The following TENM3 variants were observed in gnomAD, a reference collection of about 807,000 sequenced individuals.
TENM3 encodes the protein teneurin-3.
TENM3 carries 63 observed loss-of-function variants against 255.1 expected under a neutral mutation model. That is an observed-to-expected ratio of 0.25 (90% CI 0.20 to 0.30). The LOEUF (loss-of-function observed/expected upper bound fraction) is 0.30. Ranked by LOEUF, TENM3 falls within the 10% of genes least tolerant of loss-of-function variation. TENM3 has a pLI of 1.00. For missense variants in TENM3, 2,929 were observed against 3,461.1 expected, an observed-to-expected ratio of 0.85 and a Z score of 3.86; for synonymous variants, 1,306 against 1,322.3, an observed-to-expected ratio of 0.99 and a Z score of 0.27.
the TENM3 span, among the ~76,000 whole-genome samples, chr4:181,783,142 T>C: frequency 6.6e-6 from 1 of 152,206 alleles, no homozygotes; most frequent in Non-Finnish European, 1.5e-5. Flanking sequence ...TAGGTCTGCT[T>C]GGTGCAGAGC....
At position 182,720,041 on chromosome 4, in the gene TENM3, G is replaced by A. The variant is rs113280104; in HGVS notation, c.2368+5808G>A. ...CGCGCCACTGCACTCCAGGCTGGAT[G>A]AAAGAGTGAGACCCTGTCTCTCACA... is the stretch of plus-strand genomic sequence containing the variant. On this transcript the variant is annotated intron_variant, in intron 13 of 27. Coordinates refer to ENST00000511685, the MANE Select transcript of TENM3 (RefSeq NM_001080477.4). Among the ~76,000 whole-genome samples the A allele has an allele frequency of 2.3e-3, 354 of 152,056 alleles. 6 individuals are homozygous for A. The highest frequency in any genetic ancestry group is 0.021 in the South Asian group (102 of 4,766).
At chr4:181,602,928 C>G in the TENM3 span, among the ~76,000 whole-genome samples, 139 of 152,236 alleles carry the variant, frequency 9.1e-4, no homozygotes, top group African/African-American at 3.3e-3. Flanking sequence ...GAAGAAGAAT[C>G]AGAAATGCAC....
chr4:182,136,475 T>C, the TENM3 span, among the ~76,000 whole-genome samples: 1 of 152,238 alleles, frequency 6.6e-6, no homozygotes, highest in Non-Finnish European at 1.5e-5. Context: ...TCAGTTTACA[T>C]AGTGAGTTCT....
the TENM3 span, among the ~76,000 whole-genome samples, chr4:181,480,991 C>T: frequency 2.0e-5 from 3 of 151,330 alleles, no homozygotes; most frequent in African/African-American, 7.3e-5. Context: ...TCTCATACAG[C>T]GATTGACATT....
At chr4:182,238,663 A>C (rs902837758), upstream of TENM3, among the ~76,000 whole-genome samples, 5 of 151,390 alleles carry the variant, frequency 3.3e-5, no homozygotes, top group African/African-American at 1.2e-4. Context: ...AAGTGAAGGA[A>C]TGTTTCCCTG....
At chr4:182,357,169 A>G (rs369671424) in intron 3 of TENM3, among the ~76,000 whole-genome samples, 1 of 152,074 alleles carries the variant, frequency 6.6e-6, no homozygotes, top group East Asian at 1.9e-4. Context: ...ACAGTGCCTC[A>G]ATAAACATAC....
chr4:181,980,356 G>A, the TENM3 span: 1 of 151,980 alleles, frequency 6.6e-6, no homozygotes, highest in African/African-American at 2.4e-5. Flanking sequence ...GTTGTGGTCT[G>A]GAAGGGGAGT....
chr4:182,326,155 C>T (rs1763390828), intron 2 of TENM3, among the ~76,000 whole-genome samples: 1 of 152,198 alleles, frequency 6.6e-6, no homozygotes, highest in Non-Finnish European at 1.5e-5. Context: ...GAAGCGCTCG[C>T]GCAGTGTGTG....
chr4:181,573,962 A>G, the TENM3 span, among the ~76,000 whole-genome samples: 1 of 152,158 alleles, frequency 6.6e-6, no homozygotes, highest in East Asian at 1.9e-4. Context: ...AATCCTTAAG[A>G]TATCATACAG....
At chr4:182,623,232 C>G (rs1178450696) in intron 4 of TENM3, among the ~76,000 whole-genome samples, 4 of 151,832 alleles carry the variant, frequency 2.6e-5, no homozygotes, top group Admixed American at 6.6e-5. Flanking sequence ...CCAAGATGGT[C>G]TCGATTTCCT....
At chr4:181,510,662 G>A in the TENM3 span, among the ~76,000 whole-genome samples, 3 of 152,202 alleles carry the variant, frequency 2.0e-5, no homozygotes, top group Non-Finnish European at 4.4e-5. Flanking sequence ...TCTAGGGAAT[G>A]GTGTCAAGGC....
At chr4:182,520,247 A>G (rs1027750041) in intron 3 of TENM3, among the ~76,000 whole-genome samples, 1 of 152,180 alleles carries the variant, frequency 6.6e-6, no homozygotes, top group Non-Finnish European at 1.5e-5. Context: ...GTCATAAGAT[A>G]CAAGACCAGT....
the TENM3 span, among the ~76,000 whole-genome samples, chr4:181,933,674 G>C: frequency 1.3e-5 from 2 of 152,170 alleles, no homozygotes; most frequent in Non-Finnish European, 2.9e-5. Context: ...GGACCAGCTT[G>C]GAAGCATTTT....
the TENM3 span, among the ~76,000 whole-genome samples, chr4:181,901,369 G>A: frequency 4.6e-5 from 7 of 152,108 alleles, no homozygotes; most frequent in African/African-American, 1.7e-4. Flanking sequence ...CCAAAACCAA[G>A]CCTCTAGCCT....
chr4:182,674,861 G>C (rs183918706), intron 7 of TENM3, among the ~76,000 whole-genome samples: 1 of 151,938 alleles, frequency 6.6e-6, no homozygotes, highest in African/African-American at 2.4e-5. Context: ...ATGAGCCACC[G>C]CGTCTGGGCT....
At chr4:182,134,655 C>T in the TENM3 span, among the ~76,000 whole-genome samples, 1 of 152,204 alleles carries the variant, frequency 6.6e-6, no homozygotes, top group Admixed American at 6.5e-5. Flanking sequence ...TTGGATGCTT[C>T]TCTGCCCAGG....
chr4:181,981,486 G>A, the TENM3 span, among the ~76,000 whole-genome samples: 1 of 152,108 alleles, frequency 6.6e-6, no homozygotes, highest in Non-Finnish European at 1.5e-5. Context: ...AACTAAAACA[G>A]AGGTATTAAA....
the TENM3 span, among the ~76,000 whole-genome samples, chr4:181,759,663 TC>T: frequency 6.6e-6 from 1 of 151,648 alleles, no homozygotes; most frequent in East Asian, 1.9e-4. Flanking sequence ...TTTGTAAAAT[TC>T]TAAGAGTTGT....
chr4:182,759,567 T>C (rs1762976138), intron 22 of TENM3, among the ~76,000 whole-genome samples: 3 of 152,256 alleles, frequency 2.0e-5, no homozygotes, highest in African/African-American at 7.2e-5. Flanking sequence ...ACTTCCTCAG[T>C]TGATCTTCTT....
Sources: gnomAD v4.1 joint callset for allele counts (sites outside exome capture counted in the v4.1 genomes callset) on GRCh38, gnomAD v4.1.1 for gene constraint, MANE v1.5 for transcripts, NCBI Gene and HGNC (gene_info 2026-07-23, HGNC 2026-07-21) for gene names.